SGCZ: variants seen among roughly 807,000 people sequenced by gnomAD.
SGCZ encodes zeta-sarcoglycan.
In SGCZ, 40 loss-of-function variants were observed where a neutral mutation model predicts 41.3. That is an observed-to-expected ratio of 0.97 (90% CI 0.75 to 1.26). The LOEUF is 1.26. SGCZ is among the 50% of genes most tolerant of loss of function. SGCZ has a pLI of 0.00. For synonymous variants in SGCZ, 206 were observed against 137.5 expected, an observed-to-expected ratio of 1.50 and a Z score of -3.49; for missense variants, 552 against 369.8, an observed-to-expected ratio of 1.49 and a Z score of -4.04.
intron 1 of SGCZ, among the ~76,000 whole-genome samples, chr8:14,752,151 A>C (rs1183746048): frequency 2.0e-4 from 29 of 142,926 alleles, no homozygotes; most frequent in African/African-American, 7.4e-4. Flanking sequence ...AAAAAAAAAA[A>C]ATCATACCCT....
intron 1 of SGCZ, among the ~76,000 whole-genome samples, chr8:14,619,303 G>C (rs1040276729): frequency 1.3e-5 from 2 of 152,030 alleles, no homozygotes. Flanking sequence ...AATAATAAGA[G>C]CTATCTATGA....
chr8:15,153,447 T>C (rs1356350913), intron 1 of SGCZ, among the ~76,000 whole-genome samples: 1 of 152,176 alleles, frequency 6.6e-6, no homozygotes, highest in African/African-American at 2.4e-5. Context: ...GAGAGACACA[T>C]CACAGAGTCT....
chr8:14,717,459 T>C (rs1412218206), intron 1 of SGCZ, among the ~76,000 whole-genome samples: 3 of 152,090 alleles, frequency 2.0e-5, no homozygotes, highest in South Asian at 2.1e-4. Context: ...CAAAATCTTT[T>C]TGCATCACAA....
intron 1 of SGCZ, among the ~76,000 whole-genome samples, chr8:14,835,335 T>A (rs189239882): frequency 4.7e-4 from 71 of 152,324 alleles, no homozygotes; most frequent in African/African-American, 1.6e-3. Flanking sequence ...TAGTTATACA[T>A]TAAAAGGTTA....
chr8:14,464,486 A>AT (rs35544350), intron 2 of SGCZ, among the ~76,000 whole-genome samples: 51,105 of 135,802 alleles, frequency 0.38, 9,378 homozygotes, highest in Non-Finnish European at 0.41. Context: ...TTTGAGTGGT[A>AT]TTTTTTTTTT....
At chr8:15,132,817 T>C (rs1385594947) in intron 1 of SGCZ, among the ~76,000 whole-genome samples, 1 of 152,128 alleles carries the variant, frequency 6.6e-6, no homozygotes, top group Non-Finnish European at 1.5e-5. Flanking sequence ...CACCATACCA[T>C]TGCTAAGACC....
intron 1 of SGCZ, among the ~76,000 whole-genome samples, chr8:15,087,470 G>C (rs1258263375): frequency 6.6e-6 from 1 of 152,014 alleles, no homozygotes; most frequent in Non-Finnish European, 1.5e-5. Flanking sequence ...CCCCACGTTG[G>C]TTTTGGCACG....
intron 4 of SGCZ, among the ~76,000 whole-genome samples, chr8:14,220,832 T>C (rs546358181): frequency 6.6e-6 from 1 of 151,762 alleles, no homozygotes; most frequent in African/African-American, 2.4e-5. Context: ...TAAAAAAAGA[T>C]TGTAGCCACT....
chr8:15,027,386 T>C (rs1328497075), intron 1 of SGCZ, among the ~76,000 whole-genome samples: 1 of 89,104 alleles, frequency 1.1e-5, no homozygotes, highest in Non-Finnish European at 2.2e-5. Flanking sequence ...AAAAGAAATA[T>C]GTGTTGGCTC....
At chr8:14,282,888 C>T (rs1259937559) in intron 3 of SGCZ, among the ~76,000 whole-genome samples, 1 of 120,872 alleles carries the variant, frequency 8.3e-6, no homozygotes, top group African/African-American at 3.1e-5. Context: ...CTCACTCTGT[C>T]ACCCAGGCTG....
intron 2 of SGCZ, among the ~76,000 whole-genome samples, chr8:14,507,915 G>A (rs1237414113): frequency 6.6e-6 from 1 of 151,980 alleles, no homozygotes; most frequent in East Asian, 1.9e-4. Flanking sequence ...GGGATTACAG[G>A]CATGCGCCAC....
At chr8:14,745,708 T>C (rs1799321574) in intron 1 of SGCZ, among the ~76,000 whole-genome samples, 1 of 151,982 alleles carries the variant, frequency 6.6e-6, no homozygotes, top group South Asian at 2.1e-4. Flanking sequence ...ATATATATGG[T>C]ATGAAATTTA....
chr8:14,853,511 C>A (rs1399271501), intron 1 of SGCZ: 1 of 532,054 alleles, frequency 1.9e-6, no homozygotes. Flanking sequence ...ATCTGAGGAG[C>A]AGGTGACGGG....
chr8:14,824,957 A>G (rs747680494), intron 1 of SGCZ, among the ~76,000 whole-genome samples: 1 of 152,110 alleles, frequency 6.6e-6, no homozygotes, highest in Non-Finnish European at 1.5e-5. Context: ...ACTCTGGTAG[A>G]CATACTGTAT....
intron 1 of SGCZ, among the ~76,000 whole-genome samples, chr8:14,949,760 T>C (rs1216466775): frequency 6.6e-6 from 1 of 152,088 alleles, no homozygotes; most frequent in Non-Finnish European, 1.5e-5. Context: ...AATTATAAAG[T>C]TTTGTTTTGC....
chr8:14,620,846 G>A (rs1287608663), intron 1 of SGCZ, among the ~76,000 whole-genome samples: 2 of 152,174 alleles, frequency 1.3e-5, no homozygotes, highest in African/African-American at 4.8e-5. Context: ...TGGTGGGACT[G>A]TAAACTAGTT....
chr8:14,744,313 G>C (rs1799282414), intron 1 of SGCZ, among the ~76,000 whole-genome samples: 1 of 152,056 alleles, frequency 6.6e-6, no homozygotes, highest in Non-Finnish European at 1.5e-5. Context: ...ATTCTAAAAA[G>C]TACAGCTGAT....
chr8:14,925,305 G>A (rs942733788), intron 1 of SGCZ, among the ~76,000 whole-genome samples: 2 of 151,988 alleles, frequency 1.3e-5, no homozygotes, highest in African/African-American at 4.8e-5. Flanking sequence ...AATTCACATA[G>A]CATTTCTTAT....
intron 1 of SGCZ, among the ~76,000 whole-genome samples, chr8:14,613,732 C>T (rs939018840): frequency 1.4e-5 from 2 of 140,058 alleles, no homozygotes; most frequent in African/African-American, 2.6e-5. Context: ...AAGATTTAGA[C>T]ATAAGAATTA....
Sources: allele counts gnomAD v4.1 joint callset (sites outside exome capture counted in the v4.1 genomes callset), GRCh38; gene constraint gnomAD v4.1.1; transcripts MANE v1.5; gene names NCBI Gene and HGNC (gene_info 2026-07-23, HGNC 2026-07-21).